The following RAPGEF6 variants were observed in gnomAD, a reference collection of about 807,000 sequenced individuals.
RAPGEF6 encodes the protein PDZ domain containing guanine nucleotide exchange factor (GEF) 2.
A neutral mutation model predicts 171.4 loss-of-function variants in RAPGEF6; 56 were observed. The ratio of observed to expected loss-of-function variants is 0.33; its 90% CI spans 0.26 to 0.41. RAPGEF6 has a LOEUF of 0.41. Among genes scored for constraint, RAPGEF6 ranks in the 10% least tolerant of loss-of-function variants. The pLI is 1.00. For missense variants in RAPGEF6, 1,674 were observed against 1,921.4 expected, an observed-to-expected ratio of 0.87 and a Z score of 2.41; for synonymous variants, 692 against 650.1, an observed-to-expected ratio of 1.06 and a Z score of -0.98.
intron 6 of RAPGEF6, among the ~76,000 whole-genome samples, chr5:131,530,790 T>C (rs989094989): frequency 2.0e-5 from 3 of 152,222 alleles, no homozygotes; most frequent in African/African-American, 7.2e-5. Flanking sequence ...CAAAGGCTAT[T>C]TTATTTTGCT....
intron 19 of RAPGEF6, among the ~76,000 whole-genome samples, chr5:131,459,053 C>T (rs1753717400): frequency 6.6e-6 from 1 of 152,098 alleles, no homozygotes; most frequent in South Asian, 2.1e-4. Flanking sequence ...TGAAGAGAGT[C>T]ATAAGGGGTT....
chr5:131,618,901 A>T (rs1765434039), intron 1 of RAPGEF6, among the ~76,000 whole-genome samples: 1 of 152,160 alleles, frequency 6.6e-6, no homozygotes, highest in East Asian at 1.9e-4. Context: ...CAATACGGGA[A>T]GTACAGACCA....
intron 4 of RAPGEF6, among the ~76,000 whole-genome samples, chr5:131,587,603 G>A (rs1418173113): frequency 6.6e-6 from 1 of 152,104 alleles, no homozygotes; most frequent in East Asian, 1.9e-4. Context: ...TTGGAACTCA[G>A]AAAACAATAC....
chr5:131,524,958 T>C (rs1758782500), intron 6 of RAPGEF6, among the ~76,000 whole-genome samples: 1 of 152,190 alleles, frequency 6.6e-6, no homozygotes, highest in Non-Finnish European at 1.5e-5. Context: ...TTTCACAATG[T>C]GAACATGTAT....
At chr5:131,584,273 C>A (rs1464323245) in intron 4 of RAPGEF6, among the ~76,000 whole-genome samples, 1 of 152,202 alleles carries the variant, frequency 6.6e-6, no homozygotes, top group African/African-American at 2.4e-5. Context: ...AGACAGCTTG[C>A]ATCCTGGATG....
chr5:131,529,103 C>A (rs1186009969), intron 6 of RAPGEF6, among the ~76,000 whole-genome samples: 2 of 151,478 alleles, frequency 1.3e-5, no homozygotes, highest in African/African-American at 4.9e-5. Context: ...AGTCAACCTC[C>A]TGAAAGAAAC....
intron 1 of RAPGEF6, among the ~76,000 whole-genome samples, chr5:131,633,351 G>C (rs1175868515): frequency 6.6e-6 from 1 of 151,594 alleles, no homozygotes; most frequent in Non-Finnish European, 1.5e-5. Flanking sequence ...AATAAAATAG[G>C]CAATTTCAAA....
At chr5:131,480,165 T>C (rs1755372104) in intron 15 of RAPGEF6, among the ~76,000 whole-genome samples, 1 of 152,192 alleles carries the variant, frequency 6.6e-6, no homozygotes, top group African/African-American at 2.4e-5. Context: ...ACAACACCAG[T>C]TTGAACTATG....
chr5:131,552,708 G>C (rs1760995433), intron 5 of RAPGEF6, among the ~76,000 whole-genome samples: 1 of 152,010 alleles, frequency 6.6e-6, no homozygotes, highest in African/African-American at 2.4e-5. Flanking sequence ...TGATCCACCT[G>C]CCTCAGCCTC....
chr5:131,471,292 C>T (rs902208255), intron 17 of RAPGEF6, among the ~76,000 whole-genome samples: 1 of 152,134 alleles, frequency 6.6e-6, no homozygotes, highest in Non-Finnish European at 1.5e-5. Flanking sequence ...GTTTAATAAT[C>T]GCTCTAGTGG....
intron 4 of RAPGEF6, among the ~76,000 whole-genome samples, chr5:131,579,207 A>C (rs1762782828): frequency 6.6e-6 from 1 of 152,060 alleles, no homozygotes; most frequent in Non-Finnish European, 1.5e-5. Context: ...TGGTGGGTTC[A>C]TGGTCTTGCT....
intron 1 of RAPGEF6, among the ~76,000 whole-genome samples, chr5:131,630,236 A>T (rs1199668584): frequency 6.6e-6 from 1 of 152,224 alleles, no homozygotes; most frequent in Non-Finnish European, 1.5e-5. Flanking sequence ...CAGCTAAAAG[A>T]TGACAACTAG....
chr5:131,504,334 T>C (rs531880257), intron 11 of RAPGEF6, among the ~76,000 whole-genome samples: 2 of 152,144 alleles, frequency 1.3e-5, no homozygotes, highest in Admixed American at 6.5e-5. Flanking sequence ...TGGTGGTGCA[T>C]GCCTGTAATC....
chr5:131,501,782 G>C (rs987252715), intron 11 of RAPGEF6, among the ~76,000 whole-genome samples: 1 of 152,048 alleles, frequency 6.6e-6, no homozygotes, highest in African/African-American at 2.4e-5. Flanking sequence ...GAATAGACTA[G>C]GGAAAACTGT....
intron 6 of RAPGEF6, among the ~76,000 whole-genome samples, chr5:131,531,804 T>C (rs1285270362): frequency 1.3e-5 from 2 of 152,210 alleles, no homozygotes; most frequent in Non-Finnish European, 2.9e-5. Flanking sequence ...AGTTAGAGTA[T>C]GATCACTGAT....
At chr5:131,521,550 T>C in intron 6 of RAPGEF6, 29 bp from the exon 7 acceptor site, 1 of 1,585,396 alleles carries the variant, frequency 6.3e-7, no homozygotes, top group Non-Finnish European at 8.6e-7. Context: ...TAAGTTATTC[T>C]AAATGTCAAG....
At chr5:131,510,525 A>G (rs373696002) in intron 7 of RAPGEF6, 34 bp from the exon 8 acceptor site, 2 of 1,584,638 alleles carry the variant, frequency 1.3e-6, no homozygotes, top group Non-Finnish European at 1.7e-6. Flanking sequence ...TTACCATTTC[A>G]TGTAAAAAAT....
At chr5:131,469,685 A>G in intron 17 of RAPGEF6, 3 of 714,316 alleles carry the variant, frequency 4.2e-6, no homozygotes, top group Non-Finnish European at 4.3e-6. Context: ...TTCTAAGTGG[A>G]AAGAAAAGTT....
intron 6 of RAPGEF6, among the ~76,000 whole-genome samples, chr5:131,545,861 C>T (rs1303835429): frequency 6.6e-6 from 1 of 152,190 alleles, no homozygotes; most frequent in Non-Finnish European, 1.5e-5. Flanking sequence ...CATGATTTGT[C>T]AAACTCTTGA....
Sources: gnomAD v4.1 joint callset for allele counts (sites outside exome capture counted in the v4.1 genomes callset) on GRCh38, gnomAD v4.1.1 for gene constraint, MANE v1.5 for transcripts, NCBI Gene and HGNC (gene_info 2026-07-23, HGNC 2026-07-21) for gene names.